The following PNKD variants were observed in gnomAD, a reference collection of about 807,000 sequenced individuals.
PNKD encodes the protein probable thioesterase PNKD.
A neutral mutation model predicts 45.3 loss-of-function variants in PNKD; 36 were observed. That is an observed-to-expected ratio of 0.80 (90% CI 0.61 to 1.05). PNKD has a LOEUF of 1.05. PNKD is among the 50% of genes least tolerant of loss of function. The pLI, the probability that PNKD is intolerant of heterozygous loss-of-function variation, is 0.00. For missense variants in PNKD, 511 were observed against 506.6 expected (o/e 1.01, Z -0.08); for synonymous variants, 197 against 210.1 (o/e 0.94, Z 0.54).
intron 2 of PNKD, among the ~76,000 whole-genome samples, chr2:218,289,260 GA>G (rs10707182): frequency 0.98 from 148,716 of 152,300 alleles, 72,677 homozygotes; most frequent in East Asian, 1. Context: ...GTGGGGACCT[GA>G]AGTTCTTGTC....
chr2:218,271,638 G>C (rs756582732), intron 2 of PNKD, 89 bp downstream of exon 2: 2 of 1,171,620 alleles, frequency 1.7e-6, no homozygotes, highest in Non-Finnish European at 2.5e-6. Flanking sequence ...TTCAGGTGGC[G>C]AGCTGAATCC....
Position 218,346,755 on chromosome 2 carries a change from G to A in PNKD, c.*1774G>A, listed in dbSNP as rs538841748. Reference sequence around the variant, plus strand: ...GCACGGTGCCTAGCACACAGTAGGCGCTCAATAAATGTTGAATGAATGAAT... The same window carrying A: ...GCACGGTGCCTAGCACACAGTAGGCACTCAATAAATGTTGAATGAATGAAT... On this transcript the variant is annotated 3_prime_UTR_variant, in exon 10 of 10. Transcript: ENST00000273077. The A allele has an allele frequency of 5.2e-5, 8 of 154,048 alleles. No homozygotes were observed. The highest frequency in any genetic ancestry group is 7.2e-5 in the African/African-American group (3 of 41,584). The allele number at this position is 154,048 out of a possible 1,614,324, so 9.5% of individuals were successfully genotyped here. A position where few individuals can be genotyped will look rare whatever the true frequency, so the allele number is the denominator to read the frequency against.
At chr2:218,344,655 G>A (rs1275594141) in intron 9 of PNKD, 85 bp downstream of exon 9, 17 of 1,404,982 alleles carry the variant, frequency 1.2e-5, no homozygotes, top group South Asian at 8.1e-5. Flanking sequence ...CCAGGCCTGC[G>A]AGCACCTCCC....
chr2:218,298,499 G>A (rs994453680), intron 2 of PNKD, among the ~76,000 whole-genome samples: 1 of 152,132 alleles, frequency 6.6e-6, no homozygotes, highest in African/African-American at 2.4e-5. Context: ...TAAAAAGGGT[G>A]GTAATAATAT....
At chr2:218,270,893 C>T (rs1445316242) in intron 1 of PNKD, 7 of 378,318 alleles carry the variant, frequency 1.9e-5, no homozygotes, top group African/African-American at 1.5e-4. Context: ...GAAAGAGCCC[C>T]GGGCTTCTGG....
In PNKD at chr2:218,344,495, G is replaced by C; in HGVS notation, c.909G>C (p.Val303=). The C allele has an allele frequency of 6.3e-7, 1 of 1,590,398 alleles. No homozygotes were observed. Residue 303 remains valine, a synonymous_variant, in exon 9 of 10, where the codon GTG becomes GTC. Coordinates refer to ENST00000273077, the MANE Select transcript of PNKD (RefSeq NM_015488.5). ...YAEENLGFAG[V]VEPENLARER... ...AGGAGAACCTGGGCTTTGCAGGTGT[G>C]GTGGAGCCCGAGAACCTGGCCCGGG...
At chr2:218,276,111 G>A (rs1691181916) in intron 2 of PNKD, 1 of 1,607,992 alleles carries the variant, frequency 6.2e-7, no homozygotes, top group African/African-American at 1.3e-5. Context: ...AATGGCATTA[G>A]AAACCTCAGC....
chr2:218,285,005 G>A (rs55827343), intron 2 of PNKD, among the ~76,000 whole-genome samples: 70,710 of 152,038 alleles, frequency 0.47, 18,486 homozygotes, highest in South Asian at 0.63. Context: ...CAGGAGAATC[G>A]ATTCAACCTG....
At chr2:218,328,806 C>T (rs2106281332) in intron 2 of PNKD, among the ~76,000 whole-genome samples, 1 of 152,364 alleles carries the variant, frequency 6.6e-6, no homozygotes, top group Non-Finnish European at 1.5e-5. Flanking sequence ...CCTCTGTCTC[C>T]AGACCGCCCC....
chr2:218,302,253 C>T (rs1349895205), intron 2 of PNKD, among the ~76,000 whole-genome samples: 1 of 152,118 alleles, frequency 6.6e-6, no homozygotes, highest in African/African-American at 2.4e-5. Context: ...GAGGCTGAGG[C>T]AGGAGAATCA....
intron 2 of PNKD, chr2:218,282,065 T>G: frequency 6.3e-7 from 1 of 1,594,238 alleles, no homozygotes; most frequent in Non-Finnish European, 8.5e-7. Context: ...TGGCTGCCCA[T>G]AGCCCCCAGG....
Position 218,343,601 on chromosome 2 carries a change from T to C in PNKD, c.868+15T>C, listed in dbSNP as rs1419999465. The C allele has an allele frequency of 1.3e-6, 2 of 1,591,502 alleles. No homozygotes were observed. Among genetic ancestry groups the C allele is most frequent in the Non-Finnish European group, 1.7e-6 (2 of 1,163,558 alleles). On this transcript the variant is annotated intron_variant, in intron 8 of 9. Coordinates refer to ENST00000273077, the MANE Select transcript of PNKD (RefSeq NM_015488.5). Reference sequence around the variant, plus strand: ...TCTGTGGCCTGGTGAGACACCCCCTTACTACTCCCCATCCTCCAGCCCCAC... The same window carrying C: ...TCTGTGGCCTGGTGAGACACCCCCTCACTACTCCCCATCCTCCAGCCCCAC...
chr2:218,311,927 C>T (rs1018582974), intron 2 of PNKD, among the ~76,000 whole-genome samples: 8 of 152,234 alleles, frequency 5.3e-5, no homozygotes, highest in African/African-American at 1.9e-4. Flanking sequence ...TCGGTCCCTG[C>T]GGCTTTCCGC....
chr2:218,306,912 C>A (rs1283824968), intron 2 of PNKD, among the ~76,000 whole-genome samples: 1 of 152,142 alleles, frequency 6.6e-6, no homozygotes, highest in African/African-American at 2.4e-5. Context: ...TGGTTACATC[C>A]CAATAAACTC....
intron 2 of PNKD, among the ~76,000 whole-genome samples, chr2:218,331,031 C>T (rs139221644): frequency 4.1e-4 from 63 of 152,250 alleles, no homozygotes; most frequent in African/African-American, 1.4e-3. Context: ...CAGAAGAAGC[C>T]GTATCTCTGG....
intron 2 of PNKD, among the ~76,000 whole-genome samples, chr2:218,284,900 G>A (rs1448124624): frequency 6.6e-6 from 1 of 152,224 alleles, no homozygotes; most frequent in East Asian, 1.9e-4. Context: ...AGACCAGCCT[G>A]GCCAAATGGT....
intron 2 of PNKD, chr2:218,277,001 C>A (rs367710604): frequency 1.9e-5 from 31 of 1,613,358 alleles, no homozygotes; most frequent in Non-Finnish European, 2.6e-5. Flanking sequence ...CTGGGACACT[C>A]ACGTATTGGA....
At chr2:218,337,456 G>C (rs1694531714) in intron 2 of PNKD, among the ~76,000 whole-genome samples, 2 of 152,274 alleles carry the variant, frequency 1.3e-5, no homozygotes, top group South Asian at 4.1e-4. Flanking sequence ...AGGATGGATT[G>C]GTTACCCTAT....
At chr2:218,277,148 G>T in intron 2 of PNKD, 1 of 1,542,062 alleles carries the variant, frequency 6.5e-7, no homozygotes, top group Non-Finnish European at 9.0e-7. Context: ...GTGACAACCA[G>T]CCCAGTCAGA....
Sources: allele counts gnomAD v4.1 joint callset (sites outside exome capture counted in the v4.1 genomes callset), GRCh38; gene constraint gnomAD v4.1.1; transcripts MANE v1.5; gene names NCBI Gene and HGNC (gene_info 2026-07-23, HGNC 2026-07-21).